SLC22A7: variants seen among roughly 807,000 people sequenced by gnomAD.
SLC22A7 encodes solute carrier family 22 member 7.
A neutral mutation model predicts 62.2 loss-of-function variants in SLC22A7; 48 were observed. The observed-to-expected ratio is 0.77, with a 90% CI of 0.61 to 0.98. SLC22A7 has a LOEUF of 0.98. SLC22A7 is among the 50% of genes least tolerant of loss of function. The pLI is 0.00. For synonymous variants in SLC22A7, 276 were observed against 314.8 expected (o/e 0.88, Z 1.30); for missense variants, 581 against 703.8 (o/e 0.83, Z 1.97).
intron 5 of SLC22A7, among the ~76,000 whole-genome samples, chr6:43,300,530 T>C (rs899711017): frequency 6.6e-6 from 1 of 152,184 alleles, no homozygotes; most frequent in Non-Finnish European, 1.5e-5. Context: ...GAGTGGCTGG[T>C]GCTGGGAGCT....
chr6:43,298,133 G>T, upstream of SLC22A7: 1 of 537,700 alleles, frequency 1.9e-6, no homozygotes, highest in Non-Finnish European at 3.3e-6. Flanking sequence ...TGAATGGATG[G>T]CTTCCCCTTC....
intron 5 of SLC22A7, 100 bp downstream of exon 5, chr6:43,300,166 G>C: frequency 5.8e-6 from 7 of 1,214,292 alleles, no homozygotes; most frequent in South Asian, 1.4e-5. Flanking sequence ...AGAGATGAAG[G>C]GAAAGAGAAA....
Position 43,301,213 on chromosome 6 carries a change from C to T in SLC22A7, c.906C>T (p.Ala302=), listed in dbSNP as rs1233999966. The stretch of plus-strand genomic sequence containing the variant: ...CCCACAGGTACTTGCTCCACTGTGC[C>T]AGGCTCAATGGGCGGCCAGTGTGTG... The part of the protein sequence containing the change: ...KEAHRYLLHC[A]RLNGRPVCED... The change falls in exon 6 of 11, where the codon GCC becomes GCT. Residue 302 remains alanine (A), a synonymous_variant. Transcript: ENST00000372585. The T allele has an allele frequency of 6.2e-7, 1 of 1,614,216 alleles. No homozygotes were observed.
Position 43,299,471 on chromosome 6 carries a change from G to A in SLC22A7, c.481G>A (p.Ala161Thr), listed in dbSNP as rs1355926075. ...CGCCGGTGTGCTGGTGGGGGCTGTGGCCTTTGGATATCTGTCCGACAGGTG... is the reference window on the plus strand; with the variant it reads ...CGCCGGTGTGCTGGTGGGGGCTGTGACCTTTGGATATCTGTCCGACAGGTG... ...FFAGVLVGAV[A>T]FGYLSDRFGR... Residue 161 changes from alanine to threonine, a missense_variant, in exon 3 of 11, where the codon GCC becomes ACC. Physicochemically the swap from Ala to Thr is moderately conservative, Grantham distance 58. Transcript: ENST00000372585. The surrounding 1 kb of genome is among the most constrained non-coding windows in gnomAD (Gnocchi z 4.4). The A allele has an allele frequency of 1.2e-6, 2 of 1,613,108 alleles. No individual in the cohort carries two copies. The highest frequency in any genetic ancestry group is 2.7e-5 in the African/African-American group (2 of 74,874).
In SLC22A7 at chr6:43,298,418, T is replaced by C. The variant is rs756667277; in HGVS notation, c.60T>C (p.Asn20=). Residue 20 remains asparagine (N), a synonymous_variant, in exon 1 of 11, where the codon AAT becomes AAC. Coordinates refer to ENST00000372585, the MANE Select transcript of SLC22A7 (RefSeq NM_153320.2). ...VGGFGPFQLR[N]VALLALPRVL... ...GCTTTGGGCCCTTCCAACTGCGGAA[T>C]GTGGCACTGCTGGCCCTGCCCCGAG... 1.2e-6 allele frequency: 2 copies of C among 1,614,138 alleles called. No homozygotes were observed. The highest frequency in any genetic ancestry group is 8.5e-7 in the Non-Finnish European group (1 of 1,180,016).
chr6:43,305,302 G>T lies in SLC22A7; in HGVS notation c.*577G>T. 4.6e-6 allele frequency: 1 copy of T among 218,382 alleles called. No individual in the cohort carries two copies. Among genetic ancestry groups the T allele is most frequent in the Non-Finnish European group, 9.0e-6 (1 of 110,632 alleles). 13.5% of individuals were successfully genotyped at this position (218,382 alleles called of 1,614,324 possible). A position where few individuals can be genotyped will look rare whatever the true frequency, so the allele number is the denominator to read the frequency against. ...GTGGGCATGCTGTCCACTGTGTGGT[G>T]CTAGGACTGCCAATGCCAGGCCCAA... On this transcript the variant is annotated 3_prime_UTR_variant, in exon 11 of 11. Coordinates refer to ENST00000372585, the MANE Select transcript of SLC22A7 (RefSeq NM_153320.2).
intron 5 of SLC22A7, 41 bp from the exon 6 acceptor site, chr6:43,301,094 G>A (rs763379385): frequency 5.0e-6 from 8 of 1,613,362 alleles, no homozygotes; most frequent in African/African-American, 1.3e-5. Context: ...GTGGCTTAGG[G>A]TCATGACTTT....
Position 43,301,606 on chromosome 6 carries a change from G to C in SLC22A7, c.975G>C (p.Gly325=), listed in dbSNP as rs1027236774. The change falls in exon 7 of 11, where the codon GGG becomes GGC. Residue 325 remains glycine, a synonymous_variant. Coordinates refer to ENST00000372585, the MANE Select transcript of SLC22A7 (RefSeq NM_153320.2). The part of the protein sequence containing the change: ...SQEAVSKVAA[G]ERVVRRPSYL... ...AGGCTGTGAGCAAAGTGGCCGCCGG[G>C]GAACGGGTGGTCCGAAGACCTTCAT... 1 of 1,614,120 alleles carries C rather than the reference G, an allele frequency of 6.2e-7. No homozygotes were observed. Among genetic ancestry groups the C allele is most frequent in the Non-Finnish European group, 8.5e-7 (1 of 1,180,008 alleles).
In SLC22A7 at chr6:43,299,578, CT is replaced by C; in HGVS notation, c.504-47del. The C allele has an allele frequency of 1.2e-6, 2 of 1,613,616 alleles. No individual in the cohort carries two copies. The highest frequency in any genetic ancestry group is 8.5e-7 in the Non-Finnish European group (1 of 1,179,646). Reference sequence around the variant, plus strand: ...GGGTATGAGCCTAGTCTACCTATGCCTTAGAACCTCCTTCCACAGGGAACTG... The same window carrying C: ...GGGTATGAGCCTAGTCTACCTATGCCTAGAACCTCCTTCCACAGGGAACTG... On this transcript the variant is annotated intron_variant, in intron 3 of 10. Transcript: ENST00000372585. This position sits in a 1 kb window ranked among gnomAD's most constrained non-coding sequence, Gnocchi z 4.4.
upstream of SLC22A7, among the ~76,000 whole-genome samples, chr6:43,297,369 G>T (rs1778584834): frequency 6.6e-6 from 1 of 152,208 alleles, no homozygotes; most frequent in Non-Finnish European, 1.5e-5. Context: ...CAGTGGGTCT[G>T]CCAGCTAAGT....
chr6:43,304,631 G>C (rs551934805), intron 10 of SLC22A7, 40 bp from the exon 11 acceptor site: 1 of 1,588,072 alleles, frequency 6.3e-7, no homozygotes, highest in African/African-American at 1.3e-5. Context: ...TAGGCTCGGG[G>C]ATTAAACCCC....
At chr6:43,303,018 C>T in intron 9 of SLC22A7, 4 of 702,546 alleles carry the variant, frequency 5.7e-6, no homozygotes, top group Non-Finnish European at 7.0e-6. Flanking sequence ...CGCACCCAGC[C>T]TCTCACTCGT....
chr6:43,298,083 C>T (rs999552329), upstream of SLC22A7: 2 of 406,394 alleles, frequency 4.9e-6, no homozygotes, highest in Non-Finnish European at 8.7e-6. Flanking sequence ...GGTCCCTGAA[C>T]ACTAATGGGT....
rs1371277419 is a variant in SLC22A7 at position 43,302,721 on chromosome 6, C to G, written c.1343C>G (p.Thr448Ser). The G allele has an allele frequency of 2.5e-6, 4 of 1,610,188 alleles. No individual in the cohort carries two copies. The highest frequency in any genetic ancestry group is 1.7e-5 in the Admixed American group (1 of 59,734). Residue 448 changes from threonine to serine, a missense_variant, in exon 9 of 11, where the codon ACT becomes AGT. Coordinates refer to ENST00000372585, the MANE Select transcript of SLC22A7 (RefSeq NM_153320.2). This position sits in a 1 kb window ranked among gnomAD's most constrained non-coding sequence, Gnocchi z 5.0. ...GKAFSEAAFT[T>S]AYLFTSELYP... Reference sequence around the variant, plus strand: ...GCTTTTTCTGAAGCTGCCTTCACCACTGCCTACCTGTTCACTTCAGAGTTG... The same window carrying G: ...GCTTTTTCTGAAGCTGCCTTCACCAGTGCCTACCTGTTCACTTCAGAGTTG...
upstream of SLC22A7, among the ~76,000 whole-genome samples, chr6:43,296,555 G>A (rs70953668): frequency 8.6e-4 from 131 of 152,344 alleles, no homozygotes; most frequent in African/African-American, 3.1e-3. Context: ...GAGGTCACAC[G>A]TGAGTGAGGA....
Position 43,302,637 on chromosome 6 carries a change from G to A in SLC22A7, c.1277-18G>A. ...CTCCTCCAAGGCCCTCTCACTACCT[G>A]AACCCGCTTCCCTCCAGATATGAAG... On this transcript the variant is annotated intron_variant, in intron 8 of 10. Coordinates refer to ENST00000372585, the MANE Select transcript of SLC22A7 (RefSeq NM_153320.2). The surrounding 1 kb of genome is among the most constrained non-coding windows in gnomAD (Gnocchi z 5.0). 1.3e-6 allele frequency: 2 copies of A among 1,573,956 alleles called. No individual in the cohort carries two copies. Among genetic ancestry groups the A allele is most frequent in the South Asian group, 2.3e-5 (2 of 87,686 alleles).
Position 43,299,585 on chromosome 6 carries a change from C to A in SLC22A7, c.504-42C>A. ...AGCCTAGTCTACCTATGCCTTAGAA[C>A]CTCCTTCCACAGGGAACTGACCCTG... is the stretch of plus-strand genomic sequence containing the variant. On this transcript the variant is annotated intron_variant, in intron 3 of 10. Transcript: ENST00000372585. The surrounding 1 kb of genome is among the most constrained non-coding windows in gnomAD (Gnocchi z 4.4). The A allele has an allele frequency of 1.2e-6, 2 of 1,613,688 alleles. No homozygotes were observed. Among genetic ancestry groups the A allele is most frequent in the South Asian group, 1.1e-5 (1 of 91,048 alleles).
chr6:43,304,492 G>A, intron 10 of SLC22A7, 179 bp from the exon 11 acceptor site: 1 of 607,804 alleles, frequency 1.6e-6, no homozygotes, highest in Non-Finnish European at 2.9e-6. Context: ...ATGTGTATGT[G>A]TGCACACTCA....
In SLC22A7 at chr6:43,304,747, C is replaced by T. The variant is rs749250596; in HGVS notation, c.*22C>T. ...CTAAGTGGGAGTGGAGGCAGGCCCT[C>T]CACAGAAGCTCTGCAGCAGGGGCTG... On this transcript the variant is annotated 3_prime_UTR_variant, in exon 11 of 11. Transcript: ENST00000372585. 6.5e-7 allele frequency: 1 copy of T among 1,536,808 alleles called. No individual in the cohort carries two copies. Among genetic ancestry groups the T allele is most frequent in the Non-Finnish European group, 8.8e-7 (1 of 1,133,504 alleles).
Sources: gnomAD v4.1 joint callset for allele counts (sites outside exome capture counted in the v4.1 genomes callset) on GRCh38, gnomAD v4.1.1 for gene constraint, Gnocchi (gnomAD v3.1) non-coding constraint, MANE v1.5 for transcripts, NCBI Gene and HGNC (gene_info 2026-07-23, HGNC 2026-07-21) for gene names.